Variants in MCTP2 observed in about 807,000 individuals in gnomAD.
MCTP2 encodes multiple C2 and transmembrane domain containing 2.
Under a neutral mutation model 111.6 loss-of-function variants are expected in MCTP2, and 132 were observed. The observed-to-expected ratio is 1.18, with a 90% CI of 1.03 to 1.37. The LOEUF (loss-of-function observed/expected upper bound fraction) is 1.37, where lower values mean the gene tolerates loss of function less well. Ranked by LOEUF, MCTP2 falls within the 40% of genes most tolerant of loss-of-function variation. The probability of loss-of-function intolerance (pLI) is 0.00; values close to 1 mark genes in which losing one functional copy is unlikely to be tolerated. For missense variants in MCTP2, 1,183 were observed against 1,067.9 expected, an observed-to-expected ratio of 1.11 and a Z score of -1.50; for synonymous variants, 395 against 387.7, an observed-to-expected ratio of 1.02 and a Z score of -0.22.
In MCTP2 at chr15:94,356,150, G is replaced by T. The variant is rs142627007; in HGVS notation, c.1019G>T (p.Arg340Leu). The change falls in exon 9 of 23, where the codon CGC becomes CTC. Residue 340 changes from arginine (R) to leucine (L), a missense_variant. Physicochemically the swap from Arg to Leu is moderately radical, Grantham distance 102 (BLOSUM62 -2). Transcript: ENST00000357742. ...RLSASKSSLIRNLRLSESLKK... is the reference protein window; with the variant it reads ...RLSASKSSLILNLRLSESLKK... The stretch of plus-strand genomic sequence containing the variant: ...TTTTTGCTTTAGTCCTCTTTGATAC[G>T]CAACCTACGGCTCTCTGAGTCCTTG... 1.2e-5 allele frequency: 19 copies of T among 1,595,838 alleles called. No homozygotes were observed. Among genetic ancestry groups the T allele is most frequent in the Non-Finnish European group, 1.6e-5 (19 of 1,171,932 alleles).
At chr15:94,432,906 T>G (rs1037410423) in intron 17 of MCTP2, among the ~76,000 whole-genome samples, 4 of 152,194 alleles carry the variant, frequency 2.6e-5, no homozygotes, top group African/African-American at 9.7e-5. Context: ...TTAACTACTT[T>G]TTAGTAGAGG....
intron 4 of MCTP2, among the ~76,000 whole-genome samples, chr15:94,328,339 A>G (rs949298749): frequency 6.6e-5 from 10 of 152,032 alleles, no homozygotes; most frequent in African/African-American, 9.7e-5. Context: ...TGTGTTAGCC[A>G]GGATGGTCTT....
chr15:94,285,992 T>C (rs1378048761), intron 1 of MCTP2, among the ~76,000 whole-genome samples: 1 of 152,222 alleles, frequency 6.6e-6, no homozygotes, highest in African/African-American at 2.4e-5. Context: ...GTCTAGTATA[T>C]GAAATGATTC....
chr15:94,367,165 T>G (rs2079227449), intron 10 of MCTP2, among the ~76,000 whole-genome samples: 1 of 147,862 alleles, frequency 6.8e-6, no homozygotes, highest in Admixed American at 6.9e-5. Context: ...CTCTCCCACT[T>G]GCCTTTCTCT....
At chr15:94,272,626 C>T (rs1484365790) in intron 1 of MCTP2, among the ~76,000 whole-genome samples, 1 of 152,142 alleles carries the variant, frequency 6.6e-6, no homozygotes, top group African/African-American at 2.4e-5. Context: ...ATTATTGTTA[C>T]TGGATCTCCA....
intron 4 of MCTP2, among the ~76,000 whole-genome samples, chr15:94,336,100 A>G (rs2077347198): frequency 6.6e-6 from 1 of 152,174 alleles, no homozygotes. Flanking sequence ...GTTTTTTACA[A>G]CTTTATTTCT....
chr15:94,270,448 G>T (rs1422129762), intron 1 of MCTP2, among the ~76,000 whole-genome samples: 3 of 152,140 alleles, frequency 2.0e-5, no homozygotes, highest in Non-Finnish European at 4.4e-5. Context: ...TTAACCTTTA[G>T]TGGTTTCCCA....
intron 14 of MCTP2, among the ~76,000 whole-genome samples, chr15:94,389,072 A>G (rs1198881812): frequency 6.6e-6 from 1 of 152,206 alleles, no homozygotes; most frequent in Admixed American, 6.5e-5. Context: ...AAATAAACAT[A>G]TAAGTCTCAC....
At chr15:94,361,123 A>G (rs1423827533) in intron 10 of MCTP2, among the ~76,000 whole-genome samples, 2 of 40,568 alleles carry the variant, frequency 4.9e-5, no homozygotes, top group Non-Finnish European at 9.7e-5. Flanking sequence ...TTTTTAACAC[A>G]TTTGCTTTTC....
intron 18 of MCTP2, among the ~76,000 whole-genome samples, chr15:94,441,148 T>TTTTTA (rs2083760177): frequency 6.6e-6 from 1 of 152,230 alleles, no homozygotes; most frequent in African/African-American, 2.4e-5. Context: ...ACCCTGACTG[T>TTTTTA]TTTTATTTTT....
Position 94,337,394 on chromosome 15 carries a change from G to A in MCTP2, c.638-1896G>A, listed in dbSNP as rs189730237. Among the ~76,000 whole-genome samples, 571 of 152,246 alleles carry A rather than the reference G, an allele frequency of 3.8e-3. 2 individuals carry two copies. The highest frequency in any genetic ancestry group is 0.013 in the African/African-American group (552 of 41,554). On this transcript the variant is annotated intron_variant, in intron 4 of 22. Transcript: ENST00000357742. The stretch of plus-strand genomic sequence containing the variant: ...ACTGACACCACTGAGGCCTAGTTTT[G>A]AGATGTTTATTTTGAGAGTACGCTG...
intron 17 of MCTP2, 190 bp downstream of exon 17, chr15:94,402,209 A>G (rs2081631715): frequency 2.2e-5 from 20 of 889,954 alleles, no homozygotes; most frequent in Non-Finnish European, 2.7e-5. Context: ...TAAATTTAAG[A>G]GCACTACTGT....
At position 94,482,090 on chromosome 15, in the gene MCTP2, T is replaced by G. The variant is rs2074756323; in HGVS notation, c.*3056T>G. On this transcript the variant is annotated 3_prime_UTR_variant, in exon 23 of 23. Transcript: ENST00000357742. ...TCTTCTGGATTCTTTTTTCTTTACTTGTAAATTATCATTTAACAAGTCTAT... is the reference window on the plus strand; with the variant it reads ...TCTTCTGGATTCTTTTTTCTTTACTGGTAAATTATCATTTAACAAGTCTAT... 6.6e-6 allele frequency: 1 copy of G among 152,250 alleles called. No homozygotes were observed. The highest frequency in any genetic ancestry group is 2.1e-4 in the South Asian group (1 of 4,834). The allele number at this position is 152,250 out of a possible 1,614,324, so 9.4% of individuals were successfully genotyped here.
intron 9 of MCTP2, among the ~76,000 whole-genome samples, chr15:94,356,745 G>C (rs1270128234): frequency 6.6e-6 from 1 of 152,114 alleles, no homozygotes; most frequent in African/African-American, 2.4e-5. Flanking sequence ...AGTATCTAGT[G>C]CTGCTGTTTT....
At chr15:94,437,126 G>A (rs1233002853) in intron 17 of MCTP2, among the ~76,000 whole-genome samples, 1 of 90,328 alleles carries the variant, frequency 1.1e-5, no homozygotes, top group African/African-American at 4.3e-5. Context: ...GATCCAAAAA[G>A]TATTTCAAAA....
intron 1 of MCTP2, among the ~76,000 whole-genome samples, chr15:94,275,560 C>CTGT (rs10624651): frequency 6.6e-6 from 1 of 151,936 alleles, no homozygotes; most frequent in Non-Finnish European, 1.5e-5. Flanking sequence ...TCTCCACTGT[C>CTGT]TTTTTCTATT....
Position 94,298,600 on chromosome 15 carries a change from A to G in MCTP2, c.335A>G (p.His112Arg). 1 of 1,613,938 alleles carries G rather than the reference A, an allele frequency of 6.2e-7. No individual in the cohort carries two copies. Residue 112 changes from histidine (H) to arginine (R), a missense_variant, in exon 2 of 23, where the codon CAC (histidine) becomes CGC (arginine). Transcript: ENST00000357742. ...ELDWSQEEAS[H>R]LHVVETDSEE... ...GATTGGAGCCAGGAAGAAGCCAGTC[A>G]CCTCCATGTGGTGGAAACAGACTCA...
chr15:94,381,879 A>G (rs2080158141), intron 12 of MCTP2, among the ~76,000 whole-genome samples: 1 of 152,218 alleles, frequency 6.6e-6, no homozygotes, highest in Admixed American at 6.5e-5. Context: ...GTCTTTAAAT[A>G]AATAAGACTT....
chr15:94,317,817 G>A (rs2152369835), intron 4 of MCTP2, among the ~76,000 whole-genome samples: 1 of 151,918 alleles, frequency 6.6e-6, no homozygotes, highest in Middle Eastern at 3.4e-3. Context: ...TCTTGCTCAT[G>A]TTTTCTCAGA....
Sources: allele counts gnomAD v4.1 joint callset (sites outside exome capture counted in the v4.1 genomes callset), GRCh38; gene constraint gnomAD v4.1.1; transcripts MANE v1.5; gene names NCBI Gene and HGNC (gene_info 2026-07-23, HGNC 2026-07-21).